CSTPP1: variants seen among roughly 807,000 people sequenced by gnomAD.
The protein encoded by CSTPP1 is centriolar satellite-associated tubulin polyglutamylase complex regulator 1.
chr11:47,163,300 G>C, the CSTPP1 span, among the ~76,000 whole-genome samples: 1 of 151,978 alleles, frequency 6.6e-6, no homozygotes, highest in African/African-American at 2.4e-5. Context: ...GCCTACTGAC[G>C]ATGCAAATTA....
At chr11:47,009,422 C>G in the CSTPP1 span, among the ~76,000 whole-genome samples, 1 of 152,066 alleles carries the variant, frequency 6.6e-6, no homozygotes, top group Non-Finnish European at 1.5e-5. Context: ...AGGACTAGTA[C>G]AAGGTAAAAA....
chr11:47,119,170 C>A, the CSTPP1 span, among the ~76,000 whole-genome samples: 1 of 152,254 alleles, frequency 6.6e-6, no homozygotes, highest in African/African-American at 2.4e-5. Flanking sequence ...AAGGCAGATG[C>A]CCCTCCCCCA....
the CSTPP1 span, among the ~76,000 whole-genome samples, chr11:47,095,998 A>C: frequency 6.6e-6 from 1 of 152,202 alleles, no homozygotes; most frequent in Non-Finnish European, 1.5e-5. Context: ...AGATAGATAC[A>C]TAAAAGGGCC....
At chr11:47,145,168 A>G in the CSTPP1 span, among the ~76,000 whole-genome samples, 1 of 151,804 alleles carries the variant, frequency 6.6e-6, no homozygotes, top group Non-Finnish European at 1.5e-5. Context: ...TTGTATTCTT[A>G]GTAGAGACTG....
the CSTPP1 span, among the ~76,000 whole-genome samples, chr11:47,015,467 C>T: frequency 2.6e-5 from 4 of 151,656 alleles, no homozygotes; most frequent in East Asian, 1.9e-4. Flanking sequence ...AGCAAGACTC[C>T]GTCTCAAAAA....
chr11:46,963,913 A>G, the CSTPP1 span, among the ~76,000 whole-genome samples: 2 of 152,152 alleles, frequency 1.3e-5, no homozygotes, highest in African/African-American at 4.8e-5. Context: ...GAAATTTAGA[A>G]AAGATAACTG....
At chr11:47,029,570 T>C in the CSTPP1 span, among the ~76,000 whole-genome samples, 1 of 151,504 alleles carries the variant, frequency 6.6e-6, no homozygotes, top group African/African-American at 2.4e-5. Context: ...GATACAAGAT[T>C]GTGCCACTGC....
chr11:47,084,129 G>C, the CSTPP1 span, among the ~76,000 whole-genome samples: 1 of 152,186 alleles, frequency 6.6e-6, no homozygotes, highest in Non-Finnish European at 1.5e-5. Flanking sequence ...AAATCTCATT[G>C]TGGTTTTAGT....
chr11:47,161,080 G>C, the CSTPP1 span: 6 of 1,611,954 alleles, frequency 3.7e-6, no homozygotes, highest in Non-Finnish European at 5.1e-6. Flanking sequence ...CTGTTGCCTG[G>C]CTGAAGGGCC....
chr11:47,120,634 C>A, the CSTPP1 span, among the ~76,000 whole-genome samples: 358 of 152,272 alleles, frequency 2.4e-3, no homozygotes, highest in African/African-American at 8.3e-3. This position sits in a 1 kb window ranked among gnomAD's most constrained non-coding sequence, Gnocchi z 4.2. Flanking sequence ...TAAAAGCATG[C>A]GCTTTGGAAT....
At chr11:46,936,692 T>A in the CSTPP1 span, 1 of 1,508,796 alleles carries the variant, frequency 6.6e-7, no homozygotes, top group Non-Finnish European at 8.9e-7. Flanking sequence ...GTGTGACACC[T>A]CCTCCAGCTC....
At chr11:47,070,180 G>A in the CSTPP1 span, among the ~76,000 whole-genome samples, 9 of 152,186 alleles carry the variant, frequency 5.9e-5, no homozygotes, top group South Asian at 1.7e-3. Context: ...CACTATGAAT[G>A]TGCCTGTAAA....
chr11:47,106,568 A>G, the CSTPP1 span, among the ~76,000 whole-genome samples: 1 of 151,930 alleles, frequency 6.6e-6, no homozygotes, highest in African/African-American at 2.4e-5. Context: ...GCTTGAACCC[A>G]GGAGGGAGAG....
the CSTPP1 span, among the ~76,000 whole-genome samples, chr11:47,007,569 A>G: frequency 2.0e-5 from 3 of 151,682 alleles, no homozygotes; most frequent in Admixed American, 1.3e-4. Flanking sequence ...TACAAAGTCC[A>G]TAATTTATTG....
the CSTPP1 span, among the ~76,000 whole-genome samples, chr11:47,148,063 C>G: frequency 6.6e-6 from 1 of 152,188 alleles, no homozygotes; most frequent in Non-Finnish European, 1.5e-5. Context: ...AGGCCCTAGG[C>G]TAGAGGCAGC....
At chr11:46,957,798 T>C in the CSTPP1 span, among the ~76,000 whole-genome samples, 2 of 152,238 alleles carry the variant, frequency 1.3e-5, no homozygotes, top group Non-Finnish European at 2.9e-5. Context: ...TTTCTGTCTT[T>C]TTTGATTTTT....
chr11:47,014,837 G>C, the CSTPP1 span, among the ~76,000 whole-genome samples: 1 of 151,920 alleles, frequency 6.6e-6, no homozygotes, highest in African/African-American at 2.4e-5. Flanking sequence ...TAAAAGTTAG[G>C]GGGGAAGGGG....
chr11:47,056,719 T>G, the CSTPP1 span, among the ~76,000 whole-genome samples: 9 of 152,360 alleles, frequency 5.9e-5, no homozygotes, highest in African/African-American at 2.2e-4. Context: ...CAGAACATCT[T>G]TCTAAACCAG....
At chr11:47,163,337 C>T in the CSTPP1 span, among the ~76,000 whole-genome samples, 1 of 152,224 alleles carries the variant, frequency 6.6e-6, no homozygotes. Flanking sequence ...CTAACTCTAT[C>T]AACTTGGGAT....
Sources: allele counts gnomAD v4.1 joint callset (sites outside exome capture counted in the v4.1 genomes callset), GRCh38; gene constraint gnomAD v4.1.1; non-coding constraint Gnocchi (gnomAD v3.1); transcripts MANE v1.5; gene names NCBI Gene and HGNC (gene_info 2026-07-23, HGNC 2026-07-21).